ZER1: variants seen among roughly 807,000 people sequenced by gnomAD.
ZER1 encodes protein zer-1 homolog.
ZER1 carries 11 observed loss-of-function variants against 78.8 expected under a neutral mutation model. The ratio of observed to expected loss-of-function variants is 0.14; its 90% CI spans 0.09 to 0.23. The LOEUF (loss-of-function observed/expected upper bound fraction) is 0.23, where lower values mean the gene tolerates loss of function less well. Among genes scored for constraint, ZER1 ranks in the 10% least tolerant of loss-of-function variants. The probability of loss-of-function intolerance (pLI) is 1.00; values close to 1 mark genes in which losing one functional copy is unlikely to be tolerated. For missense variants in ZER1, 588 were observed against 996.9 expected, an observed-to-expected ratio of 0.59 and a Z score of 5.52; for synonymous variants, 400 against 407.0, an observed-to-expected ratio of 0.98 and a Z score of 0.21.
chr9:128,736,241 C>T lies in ZER1; in HGVS notation c.2043-810G>A, dbSNP rs566885501. 8.6e-5 allele frequency among the ~76,000 whole-genome samples: 13 copies of T among 151,436 alleles called. No individual in the cohort carries two copies. The South Asian group carries it at 1.9e-3, about 22-fold the overall frequency. The stretch of plus-strand genomic sequence containing the variant: ...CTGGGATTATAGGCGTGAGCCACCG[C>T]GCCCGGCCTAAATTTTGTATTTTTG... On this transcript the variant is annotated intron_variant, in intron 13 of 15. Transcript: ENST00000291900.
rs1172258934 is a variant in ZER1 at position 128,753,079 on chromosome 9, C to T, written c.746+85G>A. ...TCTGCCTAGCCAAGCGCTCCTGAAC[C>T]CTGAGGGCGTGACAACACCCACCTC... On this transcript the variant is annotated intron_variant, in intron 4 of 15. Transcript: ENST00000291900. The surrounding 1 kb of genome is among the most constrained non-coding windows in gnomAD (Gnocchi z 7.5). 1.4e-6 allele frequency: 2 copies of T among 1,379,666 alleles called. No individual in the cohort carries two copies. The highest frequency in any genetic ancestry group is 1.9e-6 in the Non-Finnish European group (2 of 1,038,222). The allele number at this position is 1,379,666 out of a possible 1,614,324, so 85.5% of individuals were successfully genotyped here. A position where few individuals can be genotyped will look rare whatever the true frequency, so the allele number is the denominator to read the frequency against.
chr9:128,746,942 A>C (rs7858623), intron 8 of ZER1, among the ~76,000 whole-genome samples: 1 of 151,886 alleles, frequency 6.6e-6, no homozygotes, highest in Non-Finnish European at 1.5e-5. Flanking sequence ...GCCTAAAAAA[A>C]TTTTTTTGTA....
chr9:128,766,787 A>C (rs1864221597), intron 1 of ZER1, among the ~76,000 whole-genome samples: 2 of 128,384 alleles, frequency 1.6e-5, no homozygotes, highest in South Asian at 5.7e-4. Flanking sequence ...CAGAGGTTGC[A>C]GTGAGCCGAG....
chr9:128,766,369 ACT>A (rs1864209063), intron 1 of ZER1, among the ~76,000 whole-genome samples: 1 of 150,850 alleles, frequency 6.6e-6, no homozygotes, highest in Non-Finnish European at 1.5e-5. Flanking sequence ...AAAAAAAAGA[ACT>A]CTGTTAAGTA....
chr9:128,738,196 C>T (rs1863154928), intron 13 of ZER1, among the ~76,000 whole-genome samples: 1 of 147,766 alleles, frequency 6.8e-6, no homozygotes, highest in Non-Finnish European at 1.5e-5. Context: ...AGGCGCATGC[C>T]ACCACGCCCG....
intron 8 of ZER1, among the ~76,000 whole-genome samples, chr9:128,743,017 T>C (rs900996383): frequency 1.3e-5 from 2 of 152,184 alleles, no homozygotes; most frequent in Admixed American, 1.3e-4. Flanking sequence ...AACAGAACAC[T>C]GTCAGCACCC....
At chr9:128,768,172 T>A (rs1036152450) in intron 1 of ZER1, among the ~76,000 whole-genome samples, 1 of 152,134 alleles carries the variant, frequency 6.6e-6, no homozygotes, top group Non-Finnish European at 1.5e-5. Flanking sequence ...GCGCCAGATA[T>A]AAGACAGTGG....
chr9:128,763,450 C>T (rs1049687065), intron 1 of ZER1, among the ~76,000 whole-genome samples: 29 of 152,316 alleles, frequency 1.9e-4, no homozygotes, highest in Admixed American at 1.6e-3. Context: ...TGTTTGGTAT[C>T]ACCTCCCTGG....
At chr9:128,767,162 C>T (rs1002577925) in intron 1 of ZER1, among the ~76,000 whole-genome samples, 9 of 152,082 alleles carry the variant, frequency 5.9e-5, no homozygotes, top group African/African-American at 1.7e-4. Flanking sequence ...AGGCTGGTCT[C>T]GAACTCCTGA....
chr9:128,764,349 C>T (rs1244181312), intron 1 of ZER1, among the ~76,000 whole-genome samples: 2 of 152,156 alleles, frequency 1.3e-5, no homozygotes, highest in Non-Finnish European at 2.9e-5. Context: ...CGCCCAGTGG[C>T]TGCAAATGAT....
At chr9:128,768,776 G>A (rs1420252610) in intron 1 of ZER1, among the ~76,000 whole-genome samples, 1 of 152,010 alleles carries the variant, frequency 6.6e-6, no homozygotes, top group Non-Finnish European at 1.5e-5. Flanking sequence ...AGCCTCTGCC[G>A]GGCACTTCCG....
At chr9:128,745,664 T>G (rs1863463623) in intron 8 of ZER1, among the ~76,000 whole-genome samples, 1 of 151,436 alleles carries the variant, frequency 6.6e-6, no homozygotes, top group East Asian at 2.0e-4. Context: ...GCCTTTTATT[T>G]ATTTTTAAGA....
chr9:128,737,432 T>C (rs535201209), intron 13 of ZER1, among the ~76,000 whole-genome samples: 1 of 152,286 alleles, frequency 6.6e-6, no homozygotes, highest in East Asian at 1.9e-4. Flanking sequence ...CTGGCAACGC[T>C]ACCAATGTCA....
In ZER1 at chr9:128,753,683, T is replaced by C; in HGVS notation, c.310-83A>G. The C allele has an allele frequency of 6.4e-7, 1 of 1,565,992 alleles. No individual in the cohort carries two copies. Among genetic ancestry groups the C allele is most frequent in the Non-Finnish European group, 8.6e-7 (1 of 1,156,496 alleles). On this transcript the variant is annotated intron_variant, in intron 3 of 15. Transcript: ENST00000291900. The surrounding 1 kb of genome is among the most constrained non-coding windows in gnomAD (Gnocchi z 7.5). The stretch of plus-strand genomic sequence containing the variant: ...GGCCTTGCCCTGGGCTACAGGTGGG[T>C]TGGAAAGGGGGATGTGCACAGTCAC...
At chr9:128,757,282 C>G (rs1863887498) in intron 1 of ZER1, among the ~76,000 whole-genome samples, 1 of 152,030 alleles carries the variant, frequency 6.6e-6, no homozygotes, top group African/African-American at 2.4e-5. Context: ...ACTTTGGGAG[C>G]CAGAGGTGGG....
chr9:128,764,964 G>A (rs938686914), intron 1 of ZER1, among the ~76,000 whole-genome samples: 2 of 152,164 alleles, frequency 1.3e-5, no homozygotes, highest in Non-Finnish European at 2.9e-5. Flanking sequence ...AGCACCAGCA[G>A]CAGCAGCAGC....
chr9:128,737,551 T>C (rs1265943062), intron 13 of ZER1, among the ~76,000 whole-genome samples: 1 of 152,190 alleles, frequency 6.6e-6, no homozygotes, highest in Non-Finnish European at 1.5e-5. Flanking sequence ...GCCTGGTGAT[T>C]GGCCAGTCAG....
rs1589507462 is a variant in ZER1, at chr9:128,730,048, T to A, written c.*1289A>T. ...CTCCCAAAGCTGCTCACCCCTGCCGTCCTGCCTGGAGGCAGAAATGCTAGG... is the reference window on the plus strand; with the variant it reads ...CTCCCAAAGCTGCTCACCCCTGCCGACCTGCCTGGAGGCAGAAATGCTAGG... On this transcript the variant is annotated 3_prime_UTR_variant, in exon 16 of 16. Transcript: ENST00000291900. 1 of 152,422 alleles carries A rather than the reference T, an allele frequency of 6.6e-6. No individual in the cohort carries two copies. The highest frequency in any genetic ancestry group is 1.9e-4 in the East Asian group (1 of 5,170). The allele number at this position is 152,422 out of a possible 1,614,324, so 9.4% of individuals were successfully genotyped here. A position where few individuals can be genotyped will look rare whatever the true frequency, so the allele number is the denominator to read the frequency against.
chr9:128,746,282 C>A (rs1863487880), intron 8 of ZER1: 1 of 152,158 alleles, frequency 6.6e-6, no homozygotes, highest in Admixed American at 6.6e-5. Flanking sequence ...TTGCACGATT[C>A]ATCCCTTACC....
Sources: allele counts gnomAD v4.1 joint callset (sites outside exome capture counted in the v4.1 genomes callset), GRCh38; gene constraint gnomAD v4.1.1; non-coding constraint Gnocchi (gnomAD v3.1); transcripts MANE v1.5; gene names NCBI Gene and HGNC (gene_info 2026-07-23, HGNC 2026-07-21).